MICU3: variants seen among roughly 807,000 people sequenced by gnomAD.
The protein encoded by MICU3 is mitochondrial calcium uptake 3.
MICU3 carries 62 observed loss-of-function variants against 66.5 expected under a neutral mutation model. That is an observed-to-expected ratio of 0.93 (90% confidence interval 0.76 to 1.15). The LOEUF (loss-of-function observed/expected upper bound fraction) is 1.15. MICU3 is among the 50% of genes most tolerant of loss of function. MICU3 has a pLI of 0.00. For missense variants in MICU3, 779 were observed against 664.4 expected (o/e 1.17, Z -1.90); for synonymous variants, 308 against 240.7 (o/e 1.28, Z -2.59).
intron 11 of MICU3, among the ~76,000 whole-genome samples, chr8:17,113,276 C>G (rs555337017): frequency 6.6e-6 from 1 of 152,206 alleles, no homozygotes; most frequent in Non-Finnish European, 1.5e-5. Flanking sequence ...CTGCTCTTCT[C>G]TCTGTTCTCT....
intron 3 of MICU3, among the ~76,000 whole-genome samples, chr8:17,074,380 C>G (rs1585351546): frequency 6.6e-6 from 1 of 152,020 alleles, no homozygotes; most frequent in East Asian, 1.9e-4. Context: ...GAAGAGTTTC[C>G]TTTCAGAACT....
At chr8:17,062,895 C>T (rs186270881) in intron 1 of MICU3, among the ~76,000 whole-genome samples, 118 of 150,558 alleles carry the variant, frequency 7.8e-4, no homozygotes, top group Non-Finnish European at 1.5e-3. Flanking sequence ...AAAAAAAGAA[C>T]TTATCCTGAA....
intron 7 of MICU3, among the ~76,000 whole-genome samples, 172 bp from the exon 8 acceptor site, chr8:17,090,374 C>T (rs1024921937): frequency 6.6e-6 from 1 of 152,064 alleles, no homozygotes; most frequent in African/African-American, 2.4e-5. Context: ...CTTTGCTACT[C>T]ATCTTTAACA....
intron 1 of MICU3, among the ~76,000 whole-genome samples, chr8:17,047,639 A>T (rs1279582187): frequency 2.6e-5 from 4 of 152,260 alleles, no homozygotes; most frequent in African/African-American, 9.6e-5. Context: ...ATCCATCGCA[A>T]CAGACAGAAG....
chr8:17,054,089 G>A (rs1397176220), intron 1 of MICU3, among the ~76,000 whole-genome samples: 3 of 152,148 alleles, frequency 2.0e-5, no homozygotes, highest in African/African-American at 4.8e-5. Flanking sequence ...TTCCGTTTCA[G>A]CAAAATTTGC....
chr8:17,039,328 T>G (rs913836269), intron 1 of MICU3, among the ~76,000 whole-genome samples: 1 of 152,210 alleles, frequency 6.6e-6, no homozygotes, highest in African/African-American at 2.4e-5. Context: ...GAAGTATGCC[T>G]GTAAATGGAG....
intron 8 of MICU3, among the ~76,000 whole-genome samples, chr8:17,096,664 G>T (rs971199348): frequency 2.6e-5 from 4 of 151,806 alleles, no homozygotes; most frequent in African/African-American, 9.7e-5. Flanking sequence ...GTATATCCTA[G>T]CATTGTTTAA....
chr8:17,110,771 T>G (rs1015087146), intron 11 of MICU3, among the ~76,000 whole-genome samples: 5 of 151,580 alleles, frequency 3.3e-5, no homozygotes, highest in Admixed American at 6.6e-5. Flanking sequence ...TTTTTTTTTG[T>G]TTGTTTTTTT....
intron 1 of MICU3, among the ~76,000 whole-genome samples, chr8:17,031,969 G>C (rs762521338): frequency 6.6e-6 from 1 of 152,180 alleles, no homozygotes; most frequent in African/African-American, 2.4e-5. Flanking sequence ...TTAAGGAGAG[G>C]CACTGTGTTC....
chr8:17,029,490 AT>A (rs1358881661), intron 1 of MICU3, among the ~76,000 whole-genome samples: 2 of 152,002 alleles, frequency 1.3e-5, no homozygotes. Context: ...AAAAAAAATT[AT>A]TTTTTATTCG....
chr8:17,084,378 T>TA (rs1361918336), intron 5 of MICU3, among the ~76,000 whole-genome samples: 1 of 152,118 alleles, frequency 6.6e-6, no homozygotes, highest in African/African-American at 2.4e-5. Flanking sequence ...AAACAGCTGT[T>TA]ACTAGTTAAG....
intron 11 of MICU3, among the ~76,000 whole-genome samples, chr8:17,105,906 A>G (rs1801699183): frequency 6.6e-6 from 1 of 152,012 alleles, no homozygotes; most frequent in African/African-American, 2.4e-5. Context: ...ACCACCTCAT[A>G]AAAAACAGTT....
chr8:17,031,281 T>TTATTATTAG (rs1812012773), intron 1 of MICU3, among the ~76,000 whole-genome samples: 1 of 147,442 alleles, frequency 6.8e-6, no homozygotes, highest in Non-Finnish European at 1.5e-5. Context: ...ATTATTATTA[T>TTATTATTAG]TATTATTATT....
At chr8:17,097,837 C>T (rs1025523534) in intron 8 of MICU3, among the ~76,000 whole-genome samples, 7 of 151,720 alleles carry the variant, frequency 4.6e-5, no homozygotes, top group Admixed American at 4.6e-4. Flanking sequence ...CTACCCTGTT[C>T]TCAGAATTTA....
chr8:17,107,049 A>G (rs1252632834), intron 11 of MICU3, among the ~76,000 whole-genome samples: 1 of 152,156 alleles, frequency 6.6e-6, no homozygotes, highest in East Asian at 1.9e-4. Context: ...TTTACCTAGC[A>G]GATATTTATT....
chr8:17,098,510 T>C lies in MICU3; in HGVS notation c.941T>C (p.Leu314Pro), dbSNP rs1337911579. The C allele has an allele frequency of 6.2e-7, 1 of 1,611,766 alleles. No individual in the cohort carries two copies. The highest frequency in any genetic ancestry group is 8.5e-7 in the Non-Finnish European group (1 of 1,178,440). The change falls in exon 9 of 15, where the codon CTG becomes CCG. Residue 314 changes from leucine to proline, a missense_variant. By Grantham distance (98) the Leu-to-Pro change is moderately conservative (BLOSUM62 -3). Transcript: ENST00000318063. ...GTCTCCAGAAGCTATTGGGATACACTGAGACGTAACACAAGCCAAGCACTG... is the reference window on the plus strand; with the variant it reads ...GTCTCCAGAAGCTATTGGGATACACCGAGACGTAACACAAGCCAAGCACTG... Reference protein sequence around the residue: ...ELVSRSYWDTLRRNTSQALFS... With the variant: ...ELVSRSYWDTPRRNTSQALFS...
chr8:17,047,347 T>A (rs969384109), intron 1 of MICU3, among the ~76,000 whole-genome samples: 1 of 152,204 alleles, frequency 6.6e-6, no homozygotes, highest in Non-Finnish European at 1.5e-5. Context: ...TCAAATATTA[T>A]GAAATATTTT....
Position 17,064,147 on chromosome 8 carries a change from T to A in MICU3, c.445T>A (p.Phe149Ile). Residue 149 changes from phenylalanine to isoleucine, a missense_variant, in exon 2 of 15, where the codon TTT (phenylalanine) becomes ATT (isoleucine). Physicochemically the swap from Phe to Ile is conservative, Grantham distance 21. Transcript: ENST00000318063. The stretch of plus-strand genomic sequence containing the variant: ...TTATGCCACATCTCGGGAGAGGCGA[T>A]TTCGTTTATTTGCTTCTATAGAATG... ...DLYATSRERR[F>I]RLFASIECEG... The A allele has an allele frequency of 6.2e-7, 1 of 1,612,942 alleles. No homozygotes were observed. Among genetic ancestry groups the A allele is most frequent in the Non-Finnish European group, 8.5e-7 (1 of 1,179,134 alleles).
At chr8:17,077,712 T>A in intron 3 of MICU3, 71 bp from the exon 4 acceptor site, 1 of 1,093,356 alleles carries the variant, frequency 9.1e-7, no homozygotes, top group Middle Eastern at 2.5e-4. Flanking sequence ...CATGGACATT[T>A]AAACATGTTT....
Sources: allele counts gnomAD v4.1 joint callset (sites outside exome capture counted in the v4.1 genomes callset), GRCh38; gene constraint gnomAD v4.1.1; transcripts MANE v1.5; gene names NCBI Gene and HGNC (gene_info 2026-07-23, HGNC 2026-07-21).